The following TMEM132C variants were observed in gnomAD, a reference collection of about 807,000 sequenced individuals.
TMEM132C encodes the protein protein phosphatase 1, regulatory subunit 152.
A neutral mutation model predicts 61.4 loss-of-function variants in TMEM132C; 29 were observed. That is an observed-to-expected ratio of 0.47 (90% confidence interval 0.35 to 0.64). The LOEUF is 0.64. Among genes scored for constraint, TMEM132C ranks in the 30% least tolerant of loss-of-function variants. The pLI, the probability that TMEM132C is intolerant of heterozygous loss-of-function variation, is 0.00. For missense variants in TMEM132C, 1,408 were observed against 1,476.9 expected, an observed-to-expected ratio of 0.95 and a Z score of 0.76; for synonymous variants, 656 against 633.1, an observed-to-expected ratio of 1.04 and a Z score of -0.54.
intron 1 of TMEM132C, among the ~76,000 whole-genome samples, chr12:128,412,952 G>A (rs1713584): frequency 0.91 from 138,418 of 152,212 alleles, 63,298 homozygotes; most frequent in East Asian, 1. Context: ...AGTTCATTCA[G>A]CCATTTTTCT....
chr12:128,361,196 T>C (rs887643970), intron 1 of TMEM132C, among the ~76,000 whole-genome samples: 4 of 152,194 alleles, frequency 2.6e-5, no homozygotes, highest in East Asian at 3.9e-4. Flanking sequence ...ACCCAGAGGA[T>C]TGGCCTAGGT....
intron 2 of TMEM132C, among the ~76,000 whole-genome samples, chr12:128,418,486 C>G (rs561875779): frequency 4.3e-4 from 65 of 152,292 alleles, no homozygotes; most frequent in Non-Finnish European, 8.5e-4. Context: ...TTTCTCTCCC[C>G]CTCTGTCCAA....
chr12:128,443,055 T>C (rs1236337912), intron 2 of TMEM132C, among the ~76,000 whole-genome samples: 1 of 152,130 alleles, frequency 6.6e-6, no homozygotes, highest in Non-Finnish European at 1.5e-5. Context: ...TGAAATGTCA[T>C]GGTGTCTAAA....
At chr12:128,641,314 G>T (rs1954156403) in intron 4 of TMEM132C, among the ~76,000 whole-genome samples, 1 of 152,282 alleles carries the variant, frequency 6.6e-6, no homozygotes, top group Admixed American at 6.5e-5. Flanking sequence ...GTGAGATCTG[G>T]AGTGGGTTGG....
intron 1 of TMEM132C, among the ~76,000 whole-genome samples, chr12:128,392,141 C>T (rs1874789191): frequency 6.6e-6 from 1 of 151,154 alleles, no homozygotes; most frequent in Non-Finnish European, 1.5e-5. Context: ...TCTATGGAGA[C>T]AGGGAGCTCC....
At chr12:128,275,980 C>G (rs1293167032) in intron 1 of TMEM132C, among the ~76,000 whole-genome samples, 3 of 152,152 alleles carry the variant, frequency 2.0e-5, no homozygotes, top group African/African-American at 7.2e-5. Context: ...ATCTTTGCCT[C>G]CGTCTTCACA....
At chr12:128,572,458 G>A (rs543405263) in intron 3 of TMEM132C, among the ~76,000 whole-genome samples, 1 of 151,724 alleles carries the variant, frequency 6.6e-6, no homozygotes, top group African/African-American at 2.4e-5. Flanking sequence ...CATGACCACT[G>A]TGGCCTCTGC....
At chr12:128,626,071 C>G (rs919605429) in intron 4 of TMEM132C, among the ~76,000 whole-genome samples, 1 of 151,924 alleles carries the variant, frequency 6.6e-6, no homozygotes, top group Non-Finnish European at 1.5e-5. Flanking sequence ...TAAAGAAACA[C>G]ATGTACTACA....
At chr12:128,287,224 C>G (rs780009475) in intron 1 of TMEM132C, among the ~76,000 whole-genome samples, 1 of 152,176 alleles carries the variant, frequency 6.6e-6, no homozygotes, top group African/African-American at 2.4e-5. Context: ...CAGCCATTGC[C>G]AAATGTCCCT....
Position 128,268,456 on chromosome 12 carries a change from C to A in TMEM132C, c.85+969C>A, listed in dbSNP as rs372427252. Among the ~76,000 whole-genome samples the A allele has an allele frequency of 3.9e-5, 6 of 152,256 alleles. No homozygotes were observed. The East Asian group carries it at 1.2e-3, about 30-fold the overall frequency. On this transcript the variant is annotated intron_variant, in intron 1 of 8. Transcript: ENST00000435159. ...AGGCTCTGCCAGGGCAGCAGCTGCC[C>A]GAGTCCCGGGGCGCGCCCAGGGCGT...
chr12:128,299,540 A>G lies in TMEM132C; in HGVS notation c.85+32053A>G, dbSNP rs567895879. Among the ~76,000 whole-genome samples the G allele has an allele frequency of 2.6e-4, 39 of 152,364 alleles. No individual in the cohort carries two copies. In the South Asian group the frequency reaches 7.9e-3, roughly 31 times the overall value. On this transcript the variant is annotated intron_variant, in intron 1 of 8. Transcript: ENST00000435159. ...GATGAGAACCAGAGACAAGCGAGAC[A>G]GTAACACACAGAGTAAAACAGAGAT...
At chr12:128,535,635 G>A (rs537241461) in intron 2 of TMEM132C, among the ~76,000 whole-genome samples, 17 of 152,292 alleles carry the variant, frequency 1.1e-4, no homozygotes, top group Middle Eastern at 3.4e-3. Context: ...TTGGGAAGCC[G>A]AAGCAGGCAG....
At chr12:128,610,823 A>G (rs2135580238) in intron 3 of TMEM132C, among the ~76,000 whole-genome samples, 1 of 152,310 alleles carries the variant, frequency 6.6e-6, no homozygotes, top group East Asian at 1.9e-4. Context: ...AGAGGCAGGC[A>G]CTCAGGAAAT....
intron 3 of TMEM132C, among the ~76,000 whole-genome samples, chr12:128,612,648 G>A (rs1876674301): frequency 6.6e-6 from 1 of 152,178 alleles, no homozygotes; most frequent in Non-Finnish European, 1.5e-5. Flanking sequence ...TTGGAATAAG[G>A]TCTGCGTGGA....
At chr12:128,365,393 A>G (rs1873831454) in intron 1 of TMEM132C, among the ~76,000 whole-genome samples, 1 of 152,156 alleles carries the variant, frequency 6.6e-6, no homozygotes, top group South Asian at 2.1e-4. Context: ...TCATTATACT[A>G]TTAGATATTA....
chr12:128,635,964 A>G (rs1011561290), intron 4 of TMEM132C, among the ~76,000 whole-genome samples: 1 of 152,168 alleles, frequency 6.6e-6, no homozygotes, highest in Non-Finnish European at 1.5e-5. Flanking sequence ...CCACCTCCCC[A>G]TAGCTGCCCA....
chr12:128,653,014 G>A (rs1954287979), intron 4 of TMEM132C, among the ~76,000 whole-genome samples: 1 of 152,112 alleles, frequency 6.6e-6, no homozygotes, highest in East Asian at 1.9e-4. Context: ...GCCAAAAAGT[G>A]GGAACAACCC....
intron 3 of TMEM132C, among the ~76,000 whole-genome samples, chr12:128,612,395 C>T (rs1329195961): frequency 6.6e-6 from 1 of 152,138 alleles, no homozygotes; most frequent in African/African-American, 2.4e-5. Flanking sequence ...AGTTGTGAAA[C>T]TTGTATTTTT....
At chr12:128,524,513 T>C (rs767002629) in intron 2 of TMEM132C, among the ~76,000 whole-genome samples, 15 of 152,176 alleles carry the variant, frequency 9.9e-5, no homozygotes. Context: ...ACCTTTTTTT[T>C]CAACTAAGAA....
Sources: allele counts gnomAD v4.1 joint callset (sites outside exome capture counted in the v4.1 genomes callset), GRCh38; gene constraint gnomAD v4.1.1; transcripts MANE v1.5; gene names NCBI Gene and HGNC (gene_info 2026-07-23, HGNC 2026-07-21).